Variants in TACC2 observed in about 807,000 individuals in gnomAD.
TACC2 encodes the protein transforming acidic coiled-coil-containing protein 2.
A neutral mutation model predicts 227.3 loss-of-function variants in TACC2; 137 were observed. That is an observed-to-expected ratio of 0.60 (90% CI 0.52 to 0.69). The LOEUF (loss-of-function observed/expected upper bound fraction) is 0.69, where lower values mean the gene tolerates loss of function less well. Ranked by LOEUF, TACC2 falls within the 30% of genes least tolerant of loss-of-function variation. The probability of loss-of-function intolerance (pLI) is 0.00; values close to 1 mark genes in which losing one functional copy is unlikely to be tolerated. For missense variants in TACC2, 3,470 were observed against 3,694.4 expected, an observed-to-expected ratio of 0.94 and a Z score of 1.57; for synonymous variants, 1,523 against 1,487.5, an observed-to-expected ratio of 1.02 and a Z score of -0.55.
In TACC2 at chr10:122,193,269, G is replaced by A. The variant is rs144007478; in HGVS notation, c.5835-1771G>A. Among the ~76,000 whole-genome samples, 183 of 152,324 alleles carry A rather than the reference G, an allele frequency of 1.2e-3. 1 individual carries two copies. The highest frequency in any genetic ancestry group is 0.011 in the Admixed American group (163 of 15,300). ...CCTTGGGGGGTGGAGGGGCAAGGGT[G>A]CTGATGAAGTAAGTCACTGACAAAC... On this transcript the variant is annotated intron_variant, in intron 7 of 22. Transcript: ENST00000369005.
intron 2 of TACC2, among the ~76,000 whole-genome samples, chr10:122,037,772 C>A (rs1960868742): frequency 6.6e-6 from 1 of 152,198 alleles, no homozygotes; most frequent in African/African-American, 2.4e-5. Flanking sequence ...CTGAGTCTTT[C>A]TCTTGTACAC....
At position 122,209,325 on chromosome 10, in the gene TACC2, G is replaced by A. The variant is rs1317500788; in HGVS notation, c.5972-1072G>A. Reference sequence around the variant, plus strand: ...CTTCACAGTGGCTCTGAGGAGTCAAGAACAGGCTTGCTGGTGGCCGTGGCT... The same window carrying A: ...CTTCACAGTGGCTCTGAGGAGTCAAAAACAGGCTTGCTGGTGGCCGTGGCT... On this transcript the variant is annotated intron_variant, in intron 8 of 22. Transcript: ENST00000369005. This position sits in a 1 kb window ranked among gnomAD's most constrained non-coding sequence, Gnocchi z 4.5. Among the ~76,000 whole-genome samples the A allele has an allele frequency of 6.6e-6, 1 of 152,198 alleles. No individual in the cohort carries two copies. The highest frequency in any genetic ancestry group is 1.5e-5 in the Non-Finnish European group (1 of 68,038).
Position 122,150,124 on chromosome 10 carries a change from G to A in TACC2, c.5834+6418G>A, listed in dbSNP as rs374567509. On this transcript the variant is annotated intron_variant, in intron 7 of 22. Coordinates refer to ENST00000369005, the MANE Select transcript of TACC2 (RefSeq NM_206862.4). This position sits in a 1 kb window ranked among gnomAD's most constrained non-coding sequence, Gnocchi z 4.0. ...GCAGTTCTTTTCCTCCTTCTGGGAG[G>A]GGAGGGGAAGGAGAGCCGGCAGCAG... is the stretch of plus-strand genomic sequence containing the variant. Among the ~76,000 whole-genome samples, 13 of 152,288 alleles carry A rather than the reference G, an allele frequency of 8.5e-5. 1 individual carries two copies. The East Asian group carries it at 2.5e-3, about 30-fold the overall frequency.
At chr10:122,181,260 G>A (rs922295334) in intron 7 of TACC2, among the ~76,000 whole-genome samples, 4 of 152,208 alleles carry the variant, frequency 2.6e-5, no homozygotes, top group Non-Finnish European at 4.4e-5. Flanking sequence ...ATTGTTGGAT[G>A]TGTGGGAAGA....
rs2075598971 is a variant in TACC2, at chr10:122,050,893, A to C, written c.146+343A>C. 4.4e-6 allele frequency: 1 copy of C among 229,122 alleles called. No individual in the cohort carries two copies. The highest frequency in any genetic ancestry group is 2.3e-5 in the African/African-American group (1 of 43,728). The allele number at this position is 229,122 out of a possible 1,614,324, so 14.2% of individuals were successfully genotyped here. A position where few individuals can be genotyped will look rare whatever the true frequency, so the allele number is the denominator to read the frequency against. ...CAGTGTCTAATCCGTGGCTAAGTGG[A>C]GTCTGTAACTCAGTGTGGTGGCCAT... On this transcript the variant is annotated intron_variant, in intron 3 of 22. Coordinates refer to ENST00000369005, the MANE Select transcript of TACC2 (RefSeq NM_206862.4). This position sits in a 1 kb window ranked among gnomAD's most constrained non-coding sequence, Gnocchi z 4.6.
At chr10:122,021,781 C>T (rs893548490) in intron 1 of TACC2, among the ~76,000 whole-genome samples, 156 bp from the exon 2 acceptor site, 1 of 152,234 alleles carries the variant, frequency 6.6e-6, no homozygotes, top group Non-Finnish European at 1.5e-5. Flanking sequence ...TGGCAGATCA[C>T]GAAAGAAAAC....
chr10:122,152,371 C>A (rs4752659), intron 7 of TACC2, among the ~76,000 whole-genome samples: 128,728 of 152,272 alleles, frequency 0.85, 54,662 homozygotes, highest in Non-Finnish European at 0.89. Context: ...TAAGCAAACA[C>A]AAATGAAAGG....
At chr10:122,060,835 T>A (rs1316501499) in intron 3 of TACC2, among the ~76,000 whole-genome samples, 1 of 151,554 alleles carries the variant, frequency 6.6e-6, no homozygotes, top group Non-Finnish European at 1.5e-5. Flanking sequence ...CGAAACTCTG[T>A]CTCTACTAAA....
chr10:122,224,850 C>T (rs2141308703), intron 12 of TACC2, 63 bp downstream of exon 12: 1 of 1,377,892 alleles, frequency 7.3e-7, no homozygotes, highest in Non-Finnish European at 1.0e-6. Context: ...GGCCTCCTCC[C>T]CTGTGCAGAG....
At chr10:122,144,091 AG>A (rs1156330815) in intron 7 of TACC2, among the ~76,000 whole-genome samples, 1 of 152,174 alleles carries the variant, frequency 6.6e-6, no homozygotes, top group Non-Finnish European at 1.5e-5. Flanking sequence ...GAAATAATGC[AG>A]GGCAGGCTGG....
intron 5 of TACC2, among the ~76,000 whole-genome samples, chr10:122,111,106 A>G (rs2083536808): frequency 6.6e-6 from 1 of 152,170 alleles, no homozygotes; most frequent in Admixed American, 6.5e-5. Flanking sequence ...AAGGACCTTC[A>G]TGATGACATT....
intron 1 of TACC2, among the ~76,000 whole-genome samples, chr10:121,989,700 G>A (rs973814527): frequency 4.0e-5 from 6 of 151,390 alleles, no homozygotes; most frequent in Admixed American, 6.6e-5. Flanking sequence ...GCCCTTTTGC[G>A]TCTTTCAACT....
At chr10:122,095,701 C>T (rs1420832245) in intron 5 of TACC2, among the ~76,000 whole-genome samples, 1 of 152,204 alleles carries the variant, frequency 6.6e-6, no homozygotes, top group African/African-American at 2.4e-5. Context: ...TCTTACTAGC[C>T]AGGTGGAGTC....
intron 7 of TACC2, among the ~76,000 whole-genome samples, chr10:122,159,958 A>G (rs1488659486): frequency 6.6e-6 from 1 of 151,972 alleles, no homozygotes; most frequent in Non-Finnish European, 1.5e-5. Flanking sequence ...GTCTCAAACT[A>G]CTTGCAGTTT....
chr10:122,251,468 A>G (rs2096253526), intron 22 of TACC2, among the ~76,000 whole-genome samples: 1 of 152,106 alleles, frequency 6.6e-6, no homozygotes, highest in Non-Finnish European at 1.5e-5. Context: ...TGCATTTTCT[A>G]TTCCTTGTCT....
rs2420980 is a variant in TACC2 at position 121,989,312 on chromosome 10, T to G, written c.-222T>G. On this transcript the variant is annotated 5_prime_UTR_variant, in exon 1 of 23. Transcript: ENST00000369005. ...GCTTGGTCCTCTTCCAAGTATACTT[T>G]ACTTCCTTTCATTCCTCTCTAAAAC... 25,914 of 152,320 alleles carry G rather than the reference T, an allele frequency of 0.17. 2,390 individuals carry two copies. The highest frequency in any genetic ancestry group is 0.25 in the Admixed American group (3,754 of 15,292). 9.4% of individuals were successfully genotyped at this position (152,320 alleles called of 1,614,324 possible). A position where few individuals can be genotyped will look rare whatever the true frequency, so the allele number is the denominator to read the frequency against.
rs1437946703 is a variant in TACC2 at position 122,210,480 on chromosome 10, T to C, written c.6055T>C (p.Ser2019Pro). The C allele has an allele frequency of 6.2e-7, 1 of 1,613,866 alleles. No individual in the cohort carries two copies. The highest frequency in any genetic ancestry group is 8.5e-7 in the Non-Finnish European group (1 of 1,179,992). The change falls in exon 9 of 23, where the codon TCC becomes CCC. Residue 2019 changes from serine (S) to proline (P), a missense_variant. Coordinates refer to ENST00000369005, the MANE Select transcript of TACC2 (RefSeq NM_206862.4). The surrounding 1 kb of genome is among the most constrained non-coding windows in gnomAD (Gnocchi z 4.6). ...AAGTCCCTTCCGTCCCCCGTCACAC[T>C]CCTTCTCTGCCGTCTTCGATGAAGA... ...EGSPFRPPSH[S>P]FSAVFDEDKP... is the part of the protein sequence containing the mutation.
intron 7 of TACC2, among the ~76,000 whole-genome samples, chr10:122,169,708 C>T (rs934335694): frequency 2.0e-5 from 3 of 152,094 alleles, no homozygotes; most frequent in African/African-American, 4.8e-5. Context: ...TAATATGTGC[C>T]GATAATGCCC....
intron 1 of TACC2, among the ~76,000 whole-genome samples, chr10:122,021,102 C>T (rs899896002): frequency 6.6e-6 from 1 of 151,954 alleles, no homozygotes; most frequent in East Asian, 1.9e-4. Flanking sequence ...TGGTGGCGGG[C>T]GTCTGTAATC....
Sources: gnomAD v4.1 joint callset for allele counts (sites outside exome capture counted in the v4.1 genomes callset) on GRCh38, gnomAD v4.1.1 for gene constraint, Gnocchi (gnomAD v3.1) non-coding constraint, MANE v1.5 for transcripts, NCBI Gene and HGNC (gene_info 2026-07-23, HGNC 2026-07-21) for gene names.